LHFPL2: variants seen among roughly 807,000 people sequenced by gnomAD.
The protein encoded by LHFPL2 is LHFPL tetraspan subfamily member 2 protein.
LHFPL2 carries 7 observed loss-of-function variants against 17.5 expected under a neutral mutation model. The observed-to-expected ratio is 0.40, with a 90% CI of 0.23 to 0.75. The LOEUF is 0.75. LHFPL2 is among the 30% of genes least tolerant of loss of function. LHFPL2 has a pLI of 0.37. For missense variants in LHFPL2, 241 were observed against 294.8 expected (o/e 0.82, Z 1.34); for synonymous variants, 134 against 116.2 (o/e 1.15, Z -0.99).
intron 3 of LHFPL2, among the ~76,000 whole-genome samples, chr5:78,526,550 C>T (rs762340127): frequency 3.9e-5 from 6 of 152,164 alleles, no homozygotes; most frequent in African/African-American, 1.4e-4. Context: ...CATTCAAATG[C>T]ACCAGATCGT....
At chr5:78,638,145 G>A (rs924856686) in intron 1 of LHFPL2, among the ~76,000 whole-genome samples, 1 of 152,174 alleles carries the variant, frequency 6.6e-6, no homozygotes, top group African/African-American at 2.4e-5. Context: ...ACGAGGTCAG[G>A]AGATTGAGAC....
chr5:78,501,812 C>G (rs1176454003), intron 4 of LHFPL2, among the ~76,000 whole-genome samples: 1 of 152,174 alleles, frequency 6.6e-6, no homozygotes, highest in Non-Finnish European at 1.5e-5. Flanking sequence ...GGGGCCAGAT[C>G]AGGAACTAGA....
At chr5:78,618,295 T>C (rs1457990253) in intron 2 of LHFPL2, among the ~76,000 whole-genome samples, 3 of 151,938 alleles carry the variant, frequency 2.0e-5, no homozygotes, top group Non-Finnish European at 4.4e-5. Flanking sequence ...GATGAAGAGG[T>C]TGATTTTATT....
intron 2 of LHFPL2, among the ~76,000 whole-genome samples, chr5:78,579,102 A>C (rs1408096509): frequency 2.0e-5 from 3 of 152,152 alleles, no homozygotes; most frequent in Non-Finnish European, 4.4e-5. Flanking sequence ...TTAGAATCTG[A>C]CTCTGCAAAA....
At position 78,517,433 on chromosome 5, in the gene LHFPL2, G is replaced by A. The variant is rs139538734; in HGVS notation, c.-185-7035C>T. On this transcript the variant is annotated intron_variant, in intron 3 of 4. Transcript: ENST00000380345. ...GAGGCCATTTTCACCCTCCCATCCT[G>A]AGGCATCTGTATTAGTCTGTTCTCA... Among the ~76,000 whole-genome samples, 1,247 of 152,270 alleles carry A rather than the reference G, an allele frequency of 8.2e-3. 11 individuals are homozygous for A. Among genetic ancestry groups the A allele is most frequent in the Middle Eastern group, 0.017 (5 of 294 alleles).
chr5:78,600,064 C>T (rs1237513022), intron 2 of LHFPL2, among the ~76,000 whole-genome samples: 6 of 151,926 alleles, frequency 3.9e-5, no homozygotes, highest in South Asian at 2.1e-4. Flanking sequence ...CCAAGAAAGC[C>T]GGGGAGATCA....
At chr5:78,498,683 A>G (rs1460223811) in intron 4 of LHFPL2, among the ~76,000 whole-genome samples, 1 of 152,188 alleles carries the variant, frequency 6.6e-6, no homozygotes, top group African/African-American at 2.4e-5. Context: ...TCCCATGTGC[A>G]GGGACTCTGG....
chr5:78,492,612 C>T (rs553230620), intron 4 of LHFPL2, among the ~76,000 whole-genome samples: 52 of 152,294 alleles, frequency 3.4e-4, no homozygotes, highest in African/African-American at 1.1e-3. Flanking sequence ...TGCTGAGGGG[C>T]TTCAGGCCAT....
chr5:78,518,959 G>A (rs931585185), intron 3 of LHFPL2, among the ~76,000 whole-genome samples: 1 of 152,150 alleles, frequency 6.6e-6, no homozygotes, highest in East Asian at 1.9e-4. Context: ...AATGGCTTTA[G>A]GTTCATTTCT....
chr5:78,512,426 G>T (rs1324937147), intron 3 of LHFPL2, among the ~76,000 whole-genome samples: 1 of 150,824 alleles, frequency 6.6e-6, no homozygotes, highest in Non-Finnish European at 1.5e-5. Flanking sequence ...CATTCAGCCA[G>T]AAGGTATATC....
At chr5:78,528,594 T>C (rs1275384167) in intron 3 of LHFPL2, among the ~76,000 whole-genome samples, 2 of 152,228 alleles carry the variant, frequency 1.3e-5, no homozygotes, top group African/African-American at 2.4e-5. Context: ...CTCATTACCA[T>C]GTTTGTACAC....
intron 1 of LHFPL2, among the ~76,000 whole-genome samples, chr5:78,644,070 A>C (rs1207475820): frequency 2.6e-5 from 4 of 152,182 alleles, no homozygotes; most frequent in Non-Finnish European, 5.9e-5. Context: ...TCAAAAGGAA[A>C]ATAAAATAAA....
intron 3 of LHFPL2, among the ~76,000 whole-genome samples, chr5:78,527,745 A>G (rs1755662963): frequency 6.6e-6 from 1 of 152,230 alleles, no homozygotes; most frequent in Non-Finnish European, 1.5e-5. Context: ...TAGTCCCAGC[A>G]AAAGACAGAC....
At chr5:78,610,560 C>T (rs1327536034) in intron 2 of LHFPL2, among the ~76,000 whole-genome samples, 1 of 152,122 alleles carries the variant, frequency 6.6e-6, no homozygotes, top group African/African-American at 2.4e-5. Flanking sequence ...CCAGAAGGCC[C>T]TCTTCATGGG....
chr5:78,494,548 C>A (rs764839846), intron 4 of LHFPL2: 8 of 984,632 alleles, frequency 8.1e-6, no homozygotes, highest in Non-Finnish European at 9.6e-6. Flanking sequence ...AGGAAAAAAA[C>A]AAATGAAAAG....
At chr5:78,583,812 G>T (rs1374930385) in intron 2 of LHFPL2, among the ~76,000 whole-genome samples, 2 of 148,954 alleles carry the variant, frequency 1.3e-5, no homozygotes, top group Non-Finnish European at 3.0e-5. Context: ...TGTATTTCCT[G>T]AATCTGAATG....
intron 2 of LHFPL2, among the ~76,000 whole-genome samples, chr5:78,581,911 A>C (rs950160302): frequency 6.6e-6 from 1 of 152,166 alleles, no homozygotes; most frequent in Non-Finnish European, 1.5e-5. Flanking sequence ...CTGTGAATCC[A>C]TCTGGTCCTG....
intron 3 of LHFPL2, among the ~76,000 whole-genome samples, chr5:78,522,882 A>G (rs942799467): frequency 2.6e-5 from 4 of 152,316 alleles, no homozygotes; most frequent in Non-Finnish European, 4.4e-5. Flanking sequence ...TATCAGGGAT[A>G]TGATATCTGG....
At chr5:78,611,539 G>A (rs531943368) in intron 2 of LHFPL2, among the ~76,000 whole-genome samples, 4 of 152,282 alleles carry the variant, frequency 2.6e-5, no homozygotes, top group African/African-American at 4.8e-5. Flanking sequence ...AAGTCCCTCC[G>A]GAGAAGCCTG....
Sources: allele counts gnomAD v4.1 joint callset (sites outside exome capture counted in the v4.1 genomes callset), GRCh38; gene constraint gnomAD v4.1.1; transcripts MANE v1.5; gene names NCBI Gene and HGNC (gene_info 2026-07-23, HGNC 2026-07-21).